SPEF2: variants seen among roughly 807,000 people sequenced by gnomAD.
SPEF2 encodes the protein sperm flagellar and cilia associated 2.
In SPEF2, 187 loss-of-function variants were observed where a neutral mutation model predicts 224.6. The observed-to-expected ratio is 0.83, with a 90% CI of 0.74 to 0.94. The LOEUF is 0.94. SPEF2 is among the 40% of genes least tolerant of loss of function. The pLI, the probability that SPEF2 is intolerant of heterozygous loss-of-function variation, is 0.00. For synonymous variants in SPEF2, 715 were observed against 707.3 expected, an observed-to-expected ratio of 1.01 and a Z score of -0.17; for missense variants, 2,170 against 2,135.6, an observed-to-expected ratio of 1.02 and a Z score of -0.32.
At chr5:35,628,668 A>T in intron 2 of SPEF2, 106 bp downstream of exon 2, 3 of 716,768 alleles carry the variant, frequency 4.2e-6, no homozygotes, top group Non-Finnish European at 6.9e-6. Flanking sequence ...CATAGCTCAC[A>T]GCAACCTCAA....
At chr5:35,785,509 A>T (rs988194003) in intron 30 of SPEF2, among the ~76,000 whole-genome samples, 1 of 151,892 alleles carries the variant, frequency 6.6e-6, no homozygotes, top group Non-Finnish European at 1.5e-5. Context: ...TTTAATTTTA[A>T]TTTTAATTTT....
chr5:35,710,661 G>C, intron 19 of SPEF2: 1 of 985,266 alleles, frequency 1.0e-6, no homozygotes, highest in Non-Finnish European at 1.2e-6. Flanking sequence ...TATGACTCTA[G>C]GTTAAAGCTC....
intron 30 of SPEF2, among the ~76,000 whole-genome samples, chr5:35,786,397 C>A (rs1048370913): frequency 2.6e-5 from 4 of 151,932 alleles, no homozygotes; most frequent in Admixed American, 1.3e-4. Flanking sequence ...TGGTGGCTCA[C>A]GCCAGTAATC....
intron 14 of SPEF2, among the ~76,000 whole-genome samples, chr5:35,697,314 A>G (rs1046884070): frequency 6.6e-6 from 1 of 152,218 alleles, no homozygotes; most frequent in African/African-American, 2.4e-5. Flanking sequence ...CCATGGAAAG[A>G]TGAGAACTTC....
chr5:35,649,889 G>C (rs1433912005), intron 6 of SPEF2, among the ~76,000 whole-genome samples: 1 of 152,180 alleles, frequency 6.6e-6, no homozygotes. Flanking sequence ...TGGGTCCATT[G>C]AACAAAGTTC....
chr5:35,747,582 A>T (rs1282203186), intron 23 of SPEF2, among the ~76,000 whole-genome samples: 3 of 152,194 alleles, frequency 2.0e-5, no homozygotes, highest in African/African-American at 7.2e-5. Context: ...GTTAAAAGAG[A>T]CAAAGAGGGA....
chr5:35,727,495 ATAT>A (rs1744863122), intron 20 of SPEF2, among the ~76,000 whole-genome samples, 177 bp from the exon 21 acceptor site: 1 of 152,172 alleles, frequency 6.6e-6, no homozygotes, highest in Non-Finnish European at 1.5e-5. Context: ...ACTATTATTA[ATAT>A]TATTGGTTAA....
At chr5:35,707,054 A>G (rs1341339834) in intron 18 of SPEF2, among the ~76,000 whole-genome samples, 2 of 152,198 alleles carry the variant, frequency 1.3e-5, no homozygotes, top group African/African-American at 4.8e-5. Flanking sequence ...AGACTCAGTT[A>G]TCACTTAAGA....
At chr5:35,694,388 A>G in intron 13 of SPEF2, 25 bp downstream of exon 13, 1 of 1,566,854 alleles carries the variant, frequency 6.4e-7, no homozygotes, top group Non-Finnish European at 8.8e-7. Context: ...CAAATCATCT[A>G]TTATTTACAT....
intron 30 of SPEF2, among the ~76,000 whole-genome samples, chr5:35,786,445 AG>A (rs1263932231): frequency 6.6e-6 from 1 of 152,190 alleles, no homozygotes; most frequent in African/African-American, 2.4e-5. Context: ...GGTTCACCTG[AG>A]GTCAGGAGTT....
At chr5:35,756,356 G>A (rs942863357) in intron 24 of SPEF2, among the ~76,000 whole-genome samples, 1 of 152,192 alleles carries the variant, frequency 6.6e-6, no homozygotes, top group African/African-American at 2.4e-5. Context: ...AGTGTCTACT[G>A]TATTCCTAAC....
chr5:35,739,290 T>C (rs1747176617), intron 21 of SPEF2, among the ~76,000 whole-genome samples: 1 of 152,204 alleles, frequency 6.6e-6, no homozygotes, highest in African/African-American at 2.4e-5. Context: ...TCATCAGTGT[T>C]ATGATGGGAA....
intron 11 of SPEF2, 31 bp from the exon 12 acceptor site, chr5:35,692,539 G>A: frequency 6.6e-7 from 1 of 1,521,464 alleles, no homozygotes; most frequent in Non-Finnish European, 8.9e-7. Context: ...CAAATGAAAA[G>A]CTATTTATAA....
At chr5:35,714,790 T>C (rs1453804313) in intron 20 of SPEF2, among the ~76,000 whole-genome samples, 1 of 152,032 alleles carries the variant, frequency 6.6e-6, no homozygotes, top group Non-Finnish European at 1.5e-5. Context: ...ATTGCATTGC[T>C]TGCCTTTTTC....
At chr5:35,734,720 T>C (rs1746264159) in intron 21 of SPEF2, among the ~76,000 whole-genome samples, 1 of 143,130 alleles carries the variant, frequency 7.0e-6, no homozygotes, top group South Asian at 2.3e-4. Context: ...TTTTTTTTTT[T>C]TTTTTTTTTT....
chr5:35,767,956 T>C (rs936257202), intron 26 of SPEF2, among the ~76,000 whole-genome samples: 3 of 152,076 alleles, frequency 2.0e-5, no homozygotes, highest in African/African-American at 7.2e-5. Flanking sequence ...GTCCTAGCCA[T>C]CTGTAATTGT....
intron 30 of SPEF2, chr5:35,789,550 G>T: frequency 1.5e-6 from 1 of 655,230 alleles, no homozygotes; most frequent in Non-Finnish European, 2.7e-6. Context: ...CATGGTAACT[G>T]CCTCAGAGGG....
intron 21 of SPEF2, among the ~76,000 whole-genome samples, chr5:35,737,964 GTGA>G (rs1440405815): frequency 2.6e-5 from 4 of 152,208 alleles, no homozygotes; most frequent in South Asian, 2.1e-4. Flanking sequence ...CTGATGGCCA[GTGA>G]TGATGAGCAT....
chr5:35,755,471 T>C (rs1351702463), intron 24 of SPEF2, among the ~76,000 whole-genome samples: 2 of 152,182 alleles, frequency 1.3e-5, no homozygotes, highest in Non-Finnish European at 2.9e-5. Flanking sequence ...AATCCCTAGA[T>C]AGAGGACTTT....
Sources: gnomAD v4.1 joint callset for allele counts (sites outside exome capture counted in the v4.1 genomes callset) on GRCh38, gnomAD v4.1.1 for gene constraint, MANE v1.5 for transcripts, NCBI Gene and HGNC (gene_info 2026-07-23, HGNC 2026-07-21) for gene names.